Variants in NRG2 observed in about 807,000 individuals in gnomAD.
NRG2 encodes the protein neuregulin 2.
NRG2 carries 27 observed loss-of-function variants against 73.9 expected under a neutral mutation model. That is an observed-to-expected ratio of 0.37 (90% CI 0.27 to 0.50). The LOEUF is 0.50. Among genes scored for constraint, NRG2 ranks in the 20% least tolerant of loss-of-function variants. The pLI is 0.96. For synonymous variants in NRG2, 532 were observed against 541.0 expected (o/e 0.98, Z 0.23); for missense variants, 1,126 against 1,210.1 (o/e 0.93, Z 1.03).
At chr5:139,975,991 C>A (rs1011038577) in intron 1 of NRG2, among the ~76,000 whole-genome samples, 1 of 152,194 alleles carries the variant, frequency 6.6e-6, no homozygotes, top group Non-Finnish European at 1.5e-5. Context: ...AAGCATTTTA[C>A]CTAAATTATT....
intron 1 of NRG2, among the ~76,000 whole-genome samples, chr5:140,010,613 TA>T (rs532099988): frequency 3.2e-4 from 47 of 145,534 alleles, no homozygotes; most frequent in East Asian, 2.6e-3. Flanking sequence ...AATAAAGTCT[TA>T]AAAAAAAAAA....
Position 139,858,795 on chromosome 5 carries a change from AC to A in NRG2, c.1190-3018del, listed in dbSNP as rs1308359076. 1.4e-4 allele frequency among the ~76,000 whole-genome samples: 21 copies of A among 152,252 alleles called. No individual in the cohort carries two copies. The South Asian group carries it at 3.9e-3, about 29-fold the overall frequency. ...CGTACCTGCAGATTCACGCCTGTGC[AC>A]CCTGCCACCATCACAGACCCCACAC... On this transcript the variant is annotated intron_variant, in intron 5 of 9. Transcript: ENST00000361474.
Position 139,851,931 on chromosome 5 carries a change from G to A in NRG2, c.1545-100C>T, listed in dbSNP as rs748659339. On this transcript the variant is annotated intron_variant, in intron 8 of 9. Transcript: ENST00000361474. The surrounding 1 kb of genome is among the most constrained non-coding windows in gnomAD (Gnocchi z 4.2). ...CTCCCTGGCTCTTCTTCCACCTCGA[G>A]CTCCCTTAGCTCAATGCCCTTCTCC... 1.7e-5 allele frequency: 16 copies of A among 944,602 alleles called. No individual in the cohort carries two copies. Among genetic ancestry groups the A allele is most frequent in the African/African-American group, 3.3e-5 (2 of 61,406 alleles). The allele number at this position is 944,602 out of a possible 1,614,324, so 58.5% of individuals were successfully genotyped here.
chr5:139,847,654 T>TG lies in NRG2; in HGVS notation c.*262_*263insC, dbSNP rs1554098018. 3.2e-6 allele frequency: 1 copy of TG among 309,900 alleles called. No individual in the cohort carries two copies. The highest frequency in any genetic ancestry group is 5.8e-6 in the Non-Finnish European group (1 of 172,412). The allele number at this position is 309,900 out of a possible 1,614,324, so 19.2% of individuals were successfully genotyped here. On this transcript the variant is annotated 3_prime_UTR_variant, in exon 10 of 10. Transcript: ENST00000361474. ...AAAATTGGCCCATCTCTCTTTTTTT[T>TG]TTGTTGTTTCTTTTTTTTTTCCGAA...
In NRG2 at chr5:139,978,579, G is replaced by A. The variant is rs183468910; in HGVS notation, c.700+63791C>T. Among the ~76,000 whole-genome samples the A allele has an allele frequency of 8.2e-3, 1,251 of 152,192 alleles. 3 individuals are homozygous for A. Among genetic ancestry groups the A allele is most frequent in the Non-Finnish European group, 9.7e-3 (663 of 68,002 alleles). On this transcript the variant is annotated intron_variant, in intron 1 of 9. Coordinates refer to ENST00000361474, the MANE Select transcript of NRG2 (RefSeq NM_004883.3). ...AGAACTAGAAATACCATTTGACCCC[G>A]CCATCCCATTACTGGGTATATACCC...
At chr5:139,861,837 ATTGT>A (rs1234455984) in intron 5 of NRG2, 9 of 473,968 alleles carry the variant, frequency 1.9e-5, no homozygotes, top group Non-Finnish European at 3.8e-5. Flanking sequence ...GAGAGCTCAC[ATTGT>A]TTGGCTATCC....
At position 139,865,583 on chromosome 5, in the gene NRG2, C is replaced by A. The variant is rs1762428498; in HGVS notation, c.1155G>T (p.Leu385=). ...GATCTGGCATGTACAATCGCAAAGG[C>A]AGTTTCTCCAAACATCTCTGTCCGA... ...GFFGQRCLEK[L]PLRLYMPDPK... is the part of the protein sequence containing the mutation. The change falls in exon 5 of 10, where the codon CTG becomes CTT. Residue 385 remains leucine, a synonymous_variant. Coordinates refer to ENST00000361474, the MANE Select transcript of NRG2 (RefSeq NM_004883.3). The surrounding 1 kb of genome is among the most constrained non-coding windows in gnomAD (Gnocchi z 5.2). 4.3e-6 allele frequency: 7 copies of A among 1,610,898 alleles called. No individual in the cohort carries two copies. The highest frequency in any genetic ancestry group is 5.1e-6 in the Non-Finnish European group (6 of 1,179,306).
intron 1 of NRG2, among the ~76,000 whole-genome samples, chr5:139,923,017 A>G (rs750382236): frequency 1.3e-5 from 2 of 152,240 alleles, no homozygotes; most frequent in Non-Finnish European, 2.9e-5. Flanking sequence ...GTTTGATACT[A>G]TAATGAATAC....
chr5:140,022,443 C>A (rs187842948), intron 1 of NRG2, among the ~76,000 whole-genome samples: 1 of 152,178 alleles, frequency 6.6e-6, no homozygotes, highest in African/African-American at 2.4e-5. Flanking sequence ...CCTTTACAAG[C>A]TTTTTAATGC....
At chr5:140,037,637 C>T (rs1205527593) in intron 1 of NRG2, among the ~76,000 whole-genome samples, 4 of 152,128 alleles carry the variant, frequency 2.6e-5, no homozygotes, top group African/African-American at 7.2e-5. Flanking sequence ...GGGCCGGGCG[C>T]GGTGGCTCAC....
At chr5:140,029,945 C>G (rs1352342562) in intron 1 of NRG2, among the ~76,000 whole-genome samples, 1 of 152,120 alleles carries the variant, frequency 6.6e-6, no homozygotes, top group African/African-American at 2.4e-5. Context: ...CACAAACCAG[C>G]TTCAAATTTT....
At position 140,008,643 on chromosome 5, in the gene NRG2, G is replaced by A. The variant is rs548080475; in HGVS notation, c.700+33727C>T. Among the ~76,000 whole-genome samples the A allele has an allele frequency of 5.3e-5, 8 of 152,206 alleles. No individual in the cohort carries two copies. The highest frequency in any genetic ancestry group is 6.5e-5 in the Admixed American group (1 of 15,282). On this transcript the variant is annotated intron_variant, in intron 1 of 9. Transcript: ENST00000361474. The surrounding 1 kb of genome is among the most constrained non-coding windows in gnomAD (Gnocchi z 4.2). ...ATATACACTACAGTGAATTCCAGAC[G>A]GGTCAGCATTAAATGCCAACTTAAA...
At chr5:139,909,402 T>C (rs1383956518) in intron 1 of NRG2, among the ~76,000 whole-genome samples, 4 of 152,158 alleles carry the variant, frequency 2.6e-5, no homozygotes, top group Non-Finnish European at 4.4e-5. Context: ...TTGGGAACCA[T>C]GCTGAAGTTT....
intron 1 of NRG2, among the ~76,000 whole-genome samples, chr5:139,966,182 C>T (rs769835120): frequency 2.0e-5 from 3 of 152,056 alleles, no homozygotes; most frequent in East Asian, 1.9e-4. Flanking sequence ...CCATTGCCAA[C>T]GAAACACAGG....
intron 3 of NRG2, 49 bp downstream of exon 3, chr5:139,880,807 G>T: frequency 6.7e-7 from 1 of 1,482,932 alleles, no homozygotes; most frequent in Non-Finnish European, 9.3e-7. Context: ...CCACTGGCCC[G>T]CCCTGCCAAA....
At chr5:139,958,881 C>G (rs904890460) in intron 1 of NRG2, among the ~76,000 whole-genome samples, 3 of 152,210 alleles carry the variant, frequency 2.0e-5, no homozygotes, top group Admixed American at 6.5e-5. Context: ...GACCTCAGCA[C>G]TGGATTAACT....
At chr5:139,993,842 C>T (rs1031339103) in intron 1 of NRG2, among the ~76,000 whole-genome samples, 4 of 152,078 alleles carry the variant, frequency 2.6e-5, no homozygotes, top group African/African-American at 4.8e-5. Flanking sequence ...TTAAAAAATA[C>T]ACAAAATGTG....
intron 5 of NRG2, among the ~76,000 whole-genome samples, chr5:139,859,669 G>A (rs940742496): frequency 1.3e-5 from 2 of 152,132 alleles, no homozygotes; most frequent in African/African-American, 4.8e-5. Context: ...GAGGGCAACG[G>A]TCCGAACCCC....
chr5:139,888,227 C>A (rs1204486287), intron 1 of NRG2, among the ~76,000 whole-genome samples: 3 of 152,166 alleles, frequency 2.0e-5, no homozygotes, highest in Admixed American at 6.5e-5. Context: ...GTGGGATAGT[C>A]CCTTACAGGA....
Sources: allele counts gnomAD v4.1 joint callset (sites outside exome capture counted in the v4.1 genomes callset), GRCh38; gene constraint gnomAD v4.1.1; non-coding constraint Gnocchi (gnomAD v3.1); transcripts MANE v1.5; gene names NCBI Gene and HGNC (gene_info 2026-07-23, HGNC 2026-07-21).